GLMN: variants seen among roughly 807,000 people sequenced by gnomAD.
GLMN encodes the protein glomulin, FKBP associated protein.
Under a neutral mutation model 87.8 loss-of-function variants are expected in GLMN, and 75 were observed. That is an observed-to-expected ratio of 0.85 (90% CI 0.71 to 1.04). The LOEUF (loss-of-function observed/expected upper bound fraction) is 1.04. Ranked by LOEUF, GLMN falls within the 50% of genes least tolerant of loss-of-function variation. GLMN has a pLI of 0.00. For synonymous variants in GLMN, 206 were observed against 221.6 expected, an observed-to-expected ratio of 0.93 and a Z score of 0.63; for missense variants, 588 against 658.8, an observed-to-expected ratio of 0.89 and a Z score of 1.18.
the GLMN span, among the ~76,000 whole-genome samples, chr1:92,352,821 A>G: frequency 6.6e-6 from 1 of 152,162 alleles, no homozygotes; most frequent in South Asian, 2.1e-4. Flanking sequence ...CTGTCACCCA[A>G]AAAAGAAACC....
chr1:92,357,017 G>T, the GLMN span, among the ~76,000 whole-genome samples: 1 of 151,528 alleles, frequency 6.6e-6, no homozygotes, highest in South Asian at 2.1e-4. Context: ...AGTGAGCTGA[G>T]ATTGTGTCAC....
chr1:92,330,744 G>A, the GLMN span, among the ~76,000 whole-genome samples: 11 of 152,192 alleles, frequency 7.2e-5, no homozygotes, highest in African/African-American at 1.9e-4. Flanking sequence ...GAACCACCAC[G>A]CCTGGCCTGT....
At chr1:92,306,558 CAT>C in the GLMN span, among the ~76,000 whole-genome samples, 1 of 152,056 alleles carries the variant, frequency 6.6e-6, no homozygotes, top group Non-Finnish European at 1.5e-5. Context: ...ATCTTAAAAA[CAT>C]AATTTTAAAC....
At chr1:92,335,371 C>T in the GLMN span, among the ~76,000 whole-genome samples, 1 of 152,202 alleles carries the variant, frequency 6.6e-6, no homozygotes, top group African/African-American at 2.4e-5. Flanking sequence ...TATACTATCA[C>T]ACTGGTCTTA....
At chr1:92,310,590 A>C in the GLMN span, among the ~76,000 whole-genome samples, 3 of 152,258 alleles carry the variant, frequency 2.0e-5, no homozygotes, top group African/African-American at 4.8e-5. Context: ...AATAATCATA[A>C]TTTTAAAATA....
intron 16 of GLMN, among the ~76,000 whole-genome samples, chr1:92,260,797 T>C (rs1654949544): frequency 6.8e-6 from 1 of 146,308 alleles, no homozygotes; most frequent in African/African-American, 2.5e-5. Context: ...GGCAGTCCTA[T>C]AGGCTGGCTG....
At chr1:92,299,178 C>T (rs761395008), upstream of GLMN, 36 of 1,360,798 alleles carry the variant, frequency 2.6e-5, 1 homozygote, top group South Asian at 4.8e-4. Context: ...CACTTTTGGA[C>T]CCTGAAAGCT....
chr1:92,346,758 C>A, the GLMN span, among the ~76,000 whole-genome samples: 1 of 152,242 alleles, frequency 6.6e-6, no homozygotes, highest in East Asian at 1.9e-4. Flanking sequence ...TAAGAAACCA[C>A]TAGTGGTTTC....
chr1:92,246,927 G>A, intron 18 of GLMN, 135 bp downstream of exon 18: 4 of 728,984 alleles, frequency 5.5e-6, no homozygotes, highest in Non-Finnish European at 9.9e-6. Context: ...GGAATCTGAG[G>A]TGGGTGGATC....
At chr1:92,363,319 C>A in the GLMN span, among the ~76,000 whole-genome samples, 8 of 152,106 alleles carry the variant, frequency 5.3e-5, no homozygotes, top group Non-Finnish European at 7.4e-5. Context: ...AAGGTAGATA[C>A]ACATGATGGA....
At chr1:92,286,901 C>A (rs548919727) in intron 6 of GLMN, among the ~76,000 whole-genome samples, 73 of 152,296 alleles carry the variant, frequency 4.8e-4, no homozygotes, top group African/African-American at 1.7e-3. Flanking sequence ...CAGATGCCAG[C>A]GCCTTAATTG....
Position 92,264,618 on chromosome 1 carries a change from T to A in GLMN, c.1235A>T (p.Asn412Ile), listed in dbSNP as rs1303247820. ...AATAAAAGCCTCCACACCTGAGTGATTACTTGTATTCAATAAGCACCTTGA... is the reference window on the plus strand; with the variant it reads ...AATAAAAGCCTCCACACCTGAGTGAATACTTGTATTCAATAAGCACCTTGA... Reference protein sequence around the residue: ...TLFRCLLNTSNHSGVEAFIIQ... With the variant: ...TLFRCLLNTSIHSGVEAFIIQ... Residue 412 changes from asparagine to isoleucine, a missense_variant, in exon 14 of 19, where the codon AAT (asparagine) becomes ATT (isoleucine). By Grantham distance (149) the Asn-to-Ile change is moderately radical. Transcript: ENST00000370360. 6.3e-7 allele frequency: 1 copy of A among 1,577,866 alleles called. No individual in the cohort carries two copies. Among genetic ancestry groups the A allele is most frequent in the Non-Finnish European group, 8.7e-7 (1 of 1,147,162 alleles).
the GLMN span, among the ~76,000 whole-genome samples, chr1:92,340,638 T>G: frequency 6.6e-6 from 1 of 152,184 alleles, no homozygotes; most frequent in Non-Finnish European, 1.5e-5. Flanking sequence ...GACATTAGTA[T>G]TTTCTAAAAG....
intron 7 of GLMN, among the ~76,000 whole-genome samples, chr1:92,272,943 C>A (rs1408536227): frequency 6.6e-6 from 1 of 152,082 alleles, no homozygotes. Context: ...GACATAATAC[C>A]TATGTCAAAT....
At chr1:92,256,129 C>A (rs754349251) in intron 16 of GLMN, among the ~76,000 whole-genome samples, 2 of 152,122 alleles carry the variant, frequency 1.3e-5, no homozygotes, top group Non-Finnish European at 2.9e-5. Flanking sequence ...CACCTCTATG[C>A]AAATTAACTA....
intron 2 of GLMN, 50 bp downstream of exon 2, chr1:92,297,911 C>T (rs1441785065): frequency 4.5e-6 from 4 of 883,220 alleles, no homozygotes; most frequent in African/African-American, 1.6e-5. Context: ...ACAATCTGTG[C>T]CCTTCCCATA....
the GLMN span, among the ~76,000 whole-genome samples, chr1:92,360,096 A>G: frequency 6.6e-6 from 1 of 152,248 alleles, no homozygotes; most frequent in Admixed American, 6.5e-5. Context: ...CTCAGACCCT[A>G]TCTGACTTCA....
the GLMN span, among the ~76,000 whole-genome samples, chr1:92,310,368 G>C: frequency 6.6e-6 from 1 of 152,096 alleles, no homozygotes; most frequent in African/African-American, 2.4e-5. Flanking sequence ...AGCTTGTCTA[G>C]CTATTGCACA....
upstream of GLMN, chr1:92,299,067 C>G: frequency 6.7e-7 from 1 of 1,491,138 alleles, no homozygotes; most frequent in South Asian, 1.3e-5. Context: ...GCAGACTACT[C>G]TCCCCCATGG....
Sources: gnomAD v4.1 joint callset for allele counts (sites outside exome capture counted in the v4.1 genomes callset) on GRCh38, gnomAD v4.1.1 for gene constraint, MANE v1.5 for transcripts, NCBI Gene and HGNC (gene_info 2026-07-23, HGNC 2026-07-21) for gene names.